BRCA2: variants seen among roughly 807,000 people sequenced by gnomAD.
BRCA2 encodes the protein BRCA2 DNA repair associated.
In BRCA2, 203 loss-of-function variants were observed where a neutral mutation model predicts 276.7. The ratio of observed to expected loss-of-function variants is 0.73; its 90% CI spans 0.65 to 0.82. BRCA2 has a LOEUF of 0.82. Among genes scored for constraint, BRCA2 ranks in the 40% least tolerant of loss-of-function variants. The probability of loss-of-function intolerance (pLI) is 0.00; values close to 1 mark genes in which losing one functional copy is unlikely to be tolerated. For synonymous variants in BRCA2, 1,289 were observed against 1,338.4 expected (o/e 0.96, Z 0.81); for missense variants, 3,920 against 3,915.0 (o/e 1.00, Z -0.03).
chr13:32,389,997 T>A (rs1422684658), intron 24 of BRCA2, among the ~76,000 whole-genome samples: 17 of 152,222 alleles, frequency 1.1e-4, no homozygotes, highest in Non-Finnish European at 2.5e-4. Context: ...ATCCATAATC[T>A]TCTGTTTCTT....
At position 32,397,021 on chromosome 13, in the gene BRCA2, C is replaced by T. The variant is rs730881572; in HGVS notation, c.9625C>T (p.Pro3209Ser). 3.1e-6 allele frequency: 5 copies of T among 1,614,004 alleles called. No homozygotes were observed. The highest frequency in any genetic ancestry group is 4.2e-6 in the Non-Finnish European group (5 of 1,179,962). ...AGGGCCGTACACTGCTCAAATCATT[C>T]CTGGTACAGGAAACAAGCTTCTGGT... ...TSGPYTAQII[P>S]GTGNKLLMSS... Residue 3209 changes from proline to serine, a missense_variant, in exon 26 of 27, where the codon CCT (proline) becomes TCT (serine). This residue lies in a region of BRCA2 where 657 missense variants were observed against 758.2 expected (regional missense o/e 0.87). Coordinates refer to ENST00000380152, the MANE Select transcript of BRCA2 (RefSeq NM_000059.4).
chr13:32,396,324 AC>A (rs2073036905), intron 25 of BRCA2, among the ~76,000 whole-genome samples: 1 of 152,160 alleles, frequency 6.6e-6, no homozygotes, highest in Admixed American at 6.5e-5. Flanking sequence ...TGAAGAGACA[AC>A]TGTCATTTAC....
Position 32,357,909 on chromosome 13 carries a change from T to TGGG in BRCA2, c.7787_7788insGGG (p.Gly2596dup). On this transcript the variant is annotated inframe_insertion, in exon 16 of 27. Transcript: ENST00000380152. ...TCATACCCTCCAATGATGGAAAGGC[T>TGGG]GGAAAAGAAGAATTTTATAGGTACT... 1 of 1,614,086 alleles carries TGGG rather than the reference T, an allele frequency of 6.2e-7. No homozygotes were observed. Among genetic ancestry groups the TGGG allele is most frequent in the Non-Finnish European group, 8.5e-7 (1 of 1,179,962 alleles).
At chr13:32,345,740 C>G (rs1271305050) in intron 12 of BRCA2, among the ~76,000 whole-genome samples, 1 of 151,924 alleles carries the variant, frequency 6.6e-6, no homozygotes, top group African/African-American at 2.4e-5. Context: ...TCATAAACAC[C>G]TTATACATAT....
At position 32,337,786 on chromosome 13, in the gene BRCA2, T is replaced by G. The variant is rs80358587; in HGVS notation, c.3431T>G (p.Val1144Gly). 6.2e-6 allele frequency: 10 copies of G among 1,614,072 alleles called. No homozygotes were observed. The highest frequency in any genetic ancestry group is 8.5e-6 in the Non-Finnish European group (10 of 1,179,958). The change falls in exon 11 of 27, where the codon GTG (valine) becomes GGG (glycine). Residue 1144 changes from valine (V) to glycine (G), a missense_variant. Coordinates refer to ENST00000380152, the MANE Select transcript of BRCA2 (RefSeq NM_000059.4). ...SYILQKSTFEVPENQMTILKT... is the reference protein window; with the variant it reads ...SYILQKSTFEGPENQMTILKT... ...ATATTGCAGAAGAGTACATTTGAAG[T>G]GCCTGAAAACCAGATGACTATCTTA... is the stretch of plus-strand genomic sequence containing the variant.
chr13:32,338,654 G>A lies in BRCA2; in HGVS notation c.4299G>A (p.Gly1433=), dbSNP rs1555283699. The A allele has an allele frequency of 6.3e-7, 1 of 1,597,122 alleles. No homozygotes were observed. The highest frequency in any genetic ancestry group is 1.7e-4 in the Middle Eastern group (1 of 6,000). ...TSDTFFQTAS[G]KNISVAKESF... is the part of the protein sequence containing the mutation. ...ATACATTTTTTCAGACTGCAAGTGGGAAAAATATTAGTGTCGCCAAAGAGT... is the reference window on the plus strand; with the variant it reads ...ATACATTTTTTCAGACTGCAAGTGGAAAAAATATTAGTGTCGCCAAAGAGT... The change falls in exon 11 of 27, where the codon GGG becomes GGA. Residue 1433 remains glycine (G), a synonymous_variant. Transcript: ENST00000380152.
chr13:32,370,652 G>A (rs2072825108), intron 19 of BRCA2, 95 bp downstream of exon 19: 5 of 1,370,734 alleles, frequency 3.6e-6, no homozygotes, highest in Admixed American at 3.8e-5. Context: ...CTCTTGCCCA[G>A]GCTGGAGTGC....
rs80358535 is a variant in BRCA2, at chr13:32,337,204, T to A, written c.2849T>A (p.Val950Asp). 1.9e-6 allele frequency: 3 copies of A among 1,613,636 alleles called. No individual in the cohort carries two copies. In the South Asian group the frequency reaches 3.3e-5, roughly 18 times the overall value. The stretch of plus-strand genomic sequence containing the variant: ...TCAATTAAAAAAGATTTGGTTTATG[T>A]TCTTGCAGAGGAGAACAAAAATAGT... ...QVSIKKDLVY[V>D]LAEENKNSVK... The change falls in exon 11 of 27, where the codon GTT (valine) becomes GAT (aspartate). Residue 950 changes from valine to aspartate, a missense_variant. Val to Asp is a radical substitution (Grantham distance 152). Around this residue, in one of 2 missense-constraint regions of BRCA2, gnomAD observed 3,263 missense variants for 3,156.9 expected, o/e 1.03. Coordinates refer to ENST00000380152, the MANE Select transcript of BRCA2 (RefSeq NM_000059.4).
rs932657676 is a variant in BRCA2, at chr13:32,325,187, A to G, written c.425+3A>G. On this transcript the variant is annotated splice_donor_region_variant and intron_variant, in intron 4 of 26. Coordinates refer to ENST00000380152, the MANE Select transcript of BRCA2 (RefSeq NM_000059.4). ...CTAAATTCTTGTCTTAGTGAAAGGT[A>G]TGATGAAGCTATTATATTAAAATAT... The G allele has an allele frequency of 2.6e-6, 4 of 1,523,930 alleles. No individual in the cohort carries two copies. Among genetic ancestry groups the G allele is most frequent in the African/African-American group, 2.7e-5 (2 of 72,874 alleles). 94.4% of individuals were successfully genotyped at this position (1,523,930 alleles called of 1,614,324 possible). A position where few individuals can be genotyped will look rare whatever the true frequency, so the allele number is the denominator to read the frequency against.
intron 24 of BRCA2, chr13:32,385,618 GA>G: frequency 7.6e-6 from 2 of 262,486 alleles, no homozygotes; most frequent in African/African-American, 2.3e-5. Flanking sequence ...GCAGAACAGA[GA>G]AAAGGTAGAC....
intron 18 of BRCA2, among the ~76,000 whole-genome samples, chr13:32,370,115 AT>A (rs2072816851): frequency 6.6e-6 from 1 of 152,192 alleles, no homozygotes; most frequent in Admixed American, 6.5e-5. Context: ...ATTTTAAACT[AT>A]TATGTTTAAA....
intron 3 of BRCA2, among the ~76,000 whole-genome samples, chr13:32,320,643 G>T (rs1189244817): frequency 2.0e-5 from 3 of 152,212 alleles, no homozygotes; most frequent in African/African-American, 7.2e-5. Context: ...CAATTATAGT[G>T]TGATACATGC....
At chr13:32,398,041 A>T (rs750071927) in intron 26 of BRCA2, 121 bp from the exon 27 acceptor site, 66 of 1,016,298 alleles carry the variant, frequency 6.5e-5, no homozygotes, top group Non-Finnish European at 8.4e-5. Flanking sequence ...ATTAGGAGTT[A>T]GGGGAGGGAG....
At chr13:32,384,101 G>A (rs2072943045) in intron 24 of BRCA2, among the ~76,000 whole-genome samples, 1 of 152,200 alleles carries the variant, frequency 6.6e-6, no homozygotes. Context: ...GATGCCTGTA[G>A]CAAGGAACAG....
chr13:32,353,419 A>G (rs2072665513), intron 13 of BRCA2, among the ~76,000 whole-genome samples: 1 of 152,150 alleles, frequency 6.6e-6, no homozygotes, highest in South Asian at 2.1e-4. Context: ...AGATTATGTC[A>G]TTTCTTTACT....
chr13:32,330,896 A>AT, intron 8 of BRCA2, 23 bp from the exon 9 acceptor site: 1 of 1,450,188 alleles, frequency 6.9e-7, no homozygotes, highest in East Asian at 2.3e-5. Context: ...TATACTAGTG[A>AT]TTTTAAACTA....
rs587781915 is a variant in BRCA2 at position 32,336,877 on chromosome 13, G to C, written c.2522G>C (p.Arg841Thr). ...VELLPPEKYM[R>T]VASPSRKVQF... is the part of the protein sequence containing the mutation. ...CTGTTGCCACCTGAAAAATACATGA[G>C]AGTAGCATCACCTTCAAGAAAGGTA... The change falls in exon 11 of 27, where the codon AGA becomes ACA. Residue 841 changes from arginine to threonine, a missense_variant. Arg to Thr is a moderately conservative substitution (Grantham distance 71). Around this residue, in one of 2 missense-constraint regions of BRCA2, gnomAD observed 3,263 missense variants for 3,156.9 expected, o/e 1.03. Transcript: ENST00000380152. 1 of 1,610,822 alleles carries C rather than the reference G, an allele frequency of 6.2e-7. No individual in the cohort carries two copies.
intron 16 of BRCA2, among the ~76,000 whole-genome samples, chr13:32,362,212 A>G (rs2072741577): frequency 6.6e-6 from 1 of 151,744 alleles, no homozygotes; most frequent in South Asian, 2.1e-4. Flanking sequence ...TTTTTTGTAG[A>G]GATGTGGGGG....
chr13:32,379,227 G>A, intron 21 of BRCA2, 90 bp from the exon 22 acceptor site: 1 of 1,239,422 alleles, frequency 8.1e-7, no homozygotes, highest in Non-Finnish European at 1.2e-6. Context: ...TAATTTTGTT[G>A]TATTTGTCCT....
Sources: gnomAD v4.1 joint callset for allele counts (sites outside exome capture counted in the v4.1 genomes callset) on GRCh38, gnomAD v4.1.1 for gene constraint, gnomAD v4.1.1 regional missense constraint, MANE v1.5 for transcripts, NCBI Gene and HGNC (gene_info 2026-07-23, HGNC 2026-07-21) for gene names.